CCSER1: variants seen among roughly 807,000 people sequenced by gnomAD.
CCSER1 encodes the protein serine-rich coiled-coil domain-containing protein 1.
Under a neutral mutation model 82.0 loss-of-function variants are expected in CCSER1, and 41 were observed. The observed-to-expected ratio is 0.50, with a 90% CI of 0.39 to 0.65. CCSER1 has a LOEUF of 0.65. CCSER1 is among the 30% of genes least tolerant of loss of function. The pLI is 0.00. For synonymous variants in CCSER1, 414 were observed against 383.9 expected (o/e 1.08, Z -0.92); for missense variants, 1,119 against 1,064.2 (o/e 1.05, Z -0.72).
At chr4:90,955,327 A>G (rs1478575965) in intron 9 of CCSER1, among the ~76,000 whole-genome samples, 2 of 152,194 alleles carry the variant, frequency 1.3e-5, no homozygotes, top group African/African-American at 4.8e-5. Flanking sequence ...ATCCTTCTGT[A>G]AGAGCTGGAA....
rs35046165 is a variant in CCSER1, at chr4:90,778,779, TA to T, written c.2011-36973del. ...AAGGGATAGAGATTGTTGGTTGACT[TA>T]AAAAAAAAACTCTTTATTAACTCTA... On this transcript the variant is annotated intron_variant, in intron 7 of 10. Transcript: ENST00000509176. Among the ~76,000 whole-genome samples, 86 of 149,918 alleles carry T rather than the reference TA, an allele frequency of 5.7e-4. 1 individual carries two copies. In the East Asian group the frequency reaches 0.011, roughly 20 times the overall value.
At chr4:91,017,373 A>C (rs1739525236) in intron 9 of CCSER1, 1 of 152,160 alleles carries the variant, frequency 6.6e-6, no homozygotes, top group East Asian at 1.9e-4. Context: ...TATCCCTGTT[A>C]ATTGAAAATT....
chr4:90,659,931 CTTAT>C (rs1306676806), intron 6 of CCSER1, among the ~76,000 whole-genome samples: 1 of 150,956 alleles, frequency 6.6e-6, no homozygotes, highest in African/African-American at 2.4e-5. Context: ...TTGAAAAATG[CTTAT>C]TTGTGTCATT....
chr4:90,529,927 A>G (rs1774280437), intron 5 of CCSER1, among the ~76,000 whole-genome samples: 1 of 143,118 alleles, frequency 7.0e-6, no homozygotes, highest in Non-Finnish European at 1.5e-5. Context: ...TTAGCAGCAT[A>G]TTAAATAGAA....
intron 1 of CCSER1, among the ~76,000 whole-genome samples, chr4:90,290,928 T>C (rs1730813293): frequency 6.9e-6 from 1 of 145,578 alleles, no homozygotes; most frequent in African/African-American, 2.8e-5. Context: ...GCATTCATCA[T>C]TGTTATAATT....
At chr4:90,393,470 T>G (rs1442608751) in intron 3 of CCSER1, among the ~76,000 whole-genome samples, 1 of 152,178 alleles carries the variant, frequency 6.6e-6, no homozygotes, top group Non-Finnish European at 1.5e-5. Context: ...AAACGTCTTA[T>G]TAATTTAAAT....
At chr4:90,606,772 T>A (rs1480370267) in intron 5 of CCSER1, among the ~76,000 whole-genome samples, 1 of 152,202 alleles carries the variant, frequency 6.6e-6, no homozygotes, top group Admixed American at 6.5e-5. Context: ...GTATATATAC[T>A]GTTCTACTCT....
At chr4:90,301,676 A>G (rs1733155455) in intron 1 of CCSER1, among the ~76,000 whole-genome samples, 1 of 152,146 alleles carries the variant, frequency 6.6e-6, no homozygotes, top group South Asian at 2.1e-4. Context: ...TTCAACCTTC[A>G]TATTTTTAAG....
chr4:91,346,993 A>G (rs2149294308), intron 10 of CCSER1, among the ~76,000 whole-genome samples: 1 of 150,462 alleles, frequency 6.6e-6, no homozygotes, highest in African/African-American at 2.5e-5. Flanking sequence ...AATGAGCTTC[A>G]ACTTATGAGT....
intron 6 of CCSER1, among the ~76,000 whole-genome samples, chr4:90,654,111 C>A (rs1729270344): frequency 6.6e-6 from 1 of 152,104 alleles, no homozygotes; most frequent in African/African-American, 2.4e-5. Context: ...CCCACCACGC[C>A]CCTCCTTCAA....
rs190261024 is a variant in CCSER1, at chr4:90,604,382, G to A, written c.1725-23643G>A. On this transcript the variant is annotated intron_variant, in intron 5 of 10. Transcript: ENST00000509176. ...GTAAAGACTTGAATTTGAATTAAAG[G>A]TTGAGTCCCATGTTCACCATTTATT... 2.5e-3 allele frequency among the ~76,000 whole-genome samples: 383 copies of A among 152,228 alleles called. 1 individual carries two copies. The highest frequency in any genetic ancestry group is 4.3e-3 in the Admixed American group (66 of 15,286).
At chr4:91,002,010 G>C (rs1027744602) in intron 9 of CCSER1, among the ~76,000 whole-genome samples, 3 of 152,030 alleles carry the variant, frequency 2.0e-5, no homozygotes, top group African/African-American at 7.2e-5. Context: ...TTTCATTTAT[G>C]AAGCTTAGTT....
intron 8 of CCSER1, among the ~76,000 whole-genome samples, chr4:90,921,322 G>C (rs568445034): frequency 4.0e-5 from 6 of 151,742 alleles, no homozygotes; most frequent in African/African-American, 1.5e-4. Flanking sequence ...TTGTACCTAA[G>C]TCTATAGGAA....
chr4:90,167,695 G>A (rs1368092610), intron 1 of CCSER1, among the ~76,000 whole-genome samples: 2 of 150,646 alleles, frequency 1.3e-5, no homozygotes, highest in East Asian at 2.0e-4. Context: ...TCATTGTTCA[G>A]TTCCCACCTA....
chr4:90,253,379 T>C lies in CCSER1; in HGVS notation c.-41-54865T>C, dbSNP rs557600555. Among the ~76,000 whole-genome samples the C allele has an allele frequency of 2.0e-5, 3 of 152,260 alleles. No homozygotes were observed. In the South Asian group the frequency reaches 6.2e-4, roughly 32 times the overall value. On this transcript the variant is annotated intron_variant, in intron 1 of 10. Coordinates refer to ENST00000509176, the MANE Select transcript of CCSER1 (RefSeq NM_001145065.2). Reference sequence around the variant, plus strand: ...AATTTTTTTAGTATTTCTTGAGAAGTAGATGTGCTAGCAATGAATTCTGTT... The same window carrying C: ...AATTTTTTTAGTATTTCTTGAGAAGCAGATGTGCTAGCAATGAATTCTGTT...
At chr4:90,315,000 C>T (rs1249519565) in intron 3 of CCSER1, among the ~76,000 whole-genome samples, 1 of 151,636 alleles carries the variant, frequency 6.6e-6, no homozygotes, top group African/African-American at 2.4e-5. Context: ...GCACCTGCCA[C>T]CATGCACAGA....
At chr4:90,794,891 G>T (rs113749670) in intron 7 of CCSER1, among the ~76,000 whole-genome samples, 30,279 of 152,060 alleles carry the variant, frequency 0.2, 3,705 homozygotes, top group Middle Eastern at 0.27. Flanking sequence ...CACTTCCCTT[G>T]TTAGCTGTAT....
At position 91,372,588 on chromosome 4, in the gene CCSER1, A is replaced by G. The variant is rs145628321; in HGVS notation, c.2218-225984A>G. Reference sequence around the variant, plus strand: ...TAGCTCATTAATATTTGAATTCTCTAAATAGATATGCTATGGTATAAACAG... The same window carrying G: ...TAGCTCATTAATATTTGAATTCTCTGAATAGATATGCTATGGTATAAACAG... On this transcript the variant is annotated intron_variant, in intron 10 of 10. Transcript: ENST00000509176. Among the ~76,000 whole-genome samples the G allele has an allele frequency of 6.9e-3, 1,052 of 152,210 alleles. 7 individuals are homozygous for G. The highest frequency in any genetic ancestry group is 0.024 in the African/African-American group (990 of 41,538).
chr4:90,197,825 T>C (rs1736891690), intron 1 of CCSER1, among the ~76,000 whole-genome samples: 1 of 151,458 alleles, frequency 6.6e-6, no homozygotes, highest in Non-Finnish European at 1.5e-5. Context: ...CAGTTAATGG[T>C]TACAAAAAAA....
Sources: gnomAD v4.1 joint callset for allele counts (sites outside exome capture counted in the v4.1 genomes callset) on GRCh38, gnomAD v4.1.1 for gene constraint, MANE v1.5 for transcripts, NCBI Gene and HGNC (gene_info 2026-07-23, HGNC 2026-07-21) for gene names.